JMJD1C: variants seen among roughly 807,000 people sequenced by gnomAD.
JMJD1C encodes jumonji domain containing 1C.
Under a neutral mutation model 245.3 loss-of-function variants are expected in JMJD1C, and 31 were observed. The ratio of observed to expected loss-of-function variants is 0.13; its 90% CI spans 0.09 to 0.17. The LOEUF (loss-of-function observed/expected upper bound fraction) is 0.17, where lower values mean the gene tolerates loss of function less well. JMJD1C is among the 10% of genes least tolerant of loss of function. JMJD1C has a pLI of 1.00. For synonymous variants in JMJD1C, 1,057 were observed against 1,017.4 expected (o/e 1.04, Z -0.74); for missense variants, 2,691 against 3,000.2 (o/e 0.90, Z 2.41).
intron 1 of JMJD1C, among the ~76,000 whole-genome samples, chr10:63,405,033 C>G (rs992341726): frequency 2.0e-5 from 3 of 152,136 alleles, no homozygotes; most frequent in Non-Finnish European, 4.4e-5. Context: ...AATTATATTT[C>G]AAACAGAGTG....
chr10:63,419,213 T>A (rs1949974337), intron 1 of JMJD1C, among the ~76,000 whole-genome samples: 3 of 147,446 alleles, frequency 2.0e-5, no homozygotes, highest in African/African-American at 7.4e-5. Flanking sequence ...TGGTGAAACC[T>A]CATCTCTACT....
intron 1 of JMJD1C, among the ~76,000 whole-genome samples, chr10:63,458,073 T>C (rs912322981): frequency 2.8e-4 from 42 of 152,242 alleles, no homozygotes; most frequent in Non-Finnish European, 2.9e-5. Context: ...AGGGATTTTA[T>C]CCAATTCGAT....
intron 1 of JMJD1C, among the ~76,000 whole-genome samples, chr10:63,415,539 A>G (rs1468657250): frequency 1.3e-5 from 2 of 152,198 alleles, no homozygotes; most frequent in Non-Finnish European, 2.9e-5. Context: ...AATTTAGCAT[A>G]TTCTTAGAAC....
At chr10:63,200,178 TAA>T (rs1438822217) in intron 11 of JMJD1C, among the ~76,000 whole-genome samples, 3 of 152,192 alleles carry the variant, frequency 2.0e-5, no homozygotes, top group African/African-American at 7.2e-5. Flanking sequence ...ATATTCATAT[TAA>T]GTTAGTATAT....
chr10:63,211,688 A>T (rs1847356198), intron 8 of JMJD1C, among the ~76,000 whole-genome samples: 1 of 151,724 alleles, frequency 6.6e-6, no homozygotes, highest in Admixed American at 6.6e-5. Flanking sequence ...CCCAACTGTG[A>T]TCTCACTTAA....
At chr10:63,244,241 C>T (rs1323861821) in intron 3 of JMJD1C, among the ~76,000 whole-genome samples, 2 of 152,106 alleles carry the variant, frequency 1.3e-5, no homozygotes, top group Admixed American at 1.3e-4. Flanking sequence ...GGCACAAACC[C>T]CTAGCTAGTC....
intron 2 of JMJD1C, among the ~76,000 whole-genome samples, chr10:63,345,734 G>C (rs1943760919): frequency 6.6e-6 from 1 of 152,066 alleles, no homozygotes; most frequent in African/African-American, 2.4e-5. Context: ...TCTTGATTGT[G>C]GCAGTGGTTA....
At position 63,208,671 on chromosome 10, in the gene JMJD1C, C is replaced by G. The variant is rs375609923; in HGVS notation, c.2998G>C (p.Val1000Leu). 6 of 1,614,074 alleles carry G rather than the reference C, an allele frequency of 3.7e-6. No individual in the cohort carries two copies. In the South Asian group the frequency reaches 6.6e-5, roughly 18 times the overall value. ...CHLHRHFVDP[V>L]LNQLQRPPQE... Reference sequence around the variant, plus strand: ...GGTGGCCTCTGTAACTGATTTAATACTGGATCCACAAAATGCCTATGTAAG... The same window carrying G: ...GGTGGCCTCTGTAACTGATTTAATAGTGGATCCACAAAATGCCTATGTAAG... The change falls in exon 10 of 26, where the codon GTA becomes CTA. Residue 1000 changes from valine (V) to leucine (L), a missense_variant. This residue lies in a region of JMJD1C where 1,562 missense variants were observed against 1,490.7 expected (regional missense o/e 1.05). Transcript: ENST00000399262.
intron 2 of JMJD1C, among the ~76,000 whole-genome samples, chr10:63,300,741 A>G (rs1391988049): frequency 6.6e-6 from 1 of 152,046 alleles, no homozygotes; most frequent in Admixed American, 6.6e-5. Flanking sequence ...AAAGTACAAA[A>G]ATTAGCTGGA....
chr10:63,281,540 G>A (rs1857400864), intron 2 of JMJD1C, among the ~76,000 whole-genome samples: 1 of 132,690 alleles, frequency 7.5e-6, no homozygotes, highest in South Asian at 2.5e-4. Context: ...GTATGATCTC[G>A]GCTCACTGCG....
At chr10:63,229,930 T>A (rs1353122463) in intron 3 of JMJD1C, among the ~76,000 whole-genome samples, 1 of 152,184 alleles carries the variant, frequency 6.6e-6, no homozygotes, top group African/African-American at 2.4e-5. Context: ...TAGGTTTAGG[T>A]TTTTTTCCTA....
intron 2 of JMJD1C, among the ~76,000 whole-genome samples, chr10:63,347,618 A>T (rs1943967672): frequency 6.8e-6 from 1 of 147,968 alleles, no homozygotes; most frequent in Non-Finnish European, 1.5e-5. Context: ...GAAAAAGAAA[A>T]AAAGAAATTA....
intron 1 of JMJD1C, chr10:63,382,780 C>T (rs768477009): frequency 1.8e-5 from 8 of 455,812 alleles, no homozygotes; most frequent in Non-Finnish European, 3.1e-5. Context: ...AATTCTGCCA[C>T]CCATCTTCTG....
chr10:63,263,831 C>T (rs1396729921), intron 3 of JMJD1C, among the ~76,000 whole-genome samples: 3 of 151,250 alleles, frequency 2.0e-5, no homozygotes, highest in Admixed American at 1.3e-4. Context: ...GCTCTGGAGG[C>T]TGAGGCAGGA....
chr10:63,418,837 T>C (rs1949945377), intron 1 of JMJD1C, among the ~76,000 whole-genome samples: 1 of 152,062 alleles, frequency 6.6e-6, no homozygotes. Flanking sequence ...CCCAGCATTT[T>C]GGGAGGCCGA....
At position 63,207,363 on chromosome 10, in the gene JMJD1C, T is replaced by G. The variant is rs1360350002; in HGVS notation, c.4306A>C (p.Lys1436Gln). 1 of 1,613,980 alleles carries G rather than the reference T, an allele frequency of 6.2e-7. No homozygotes were observed. The highest frequency in any genetic ancestry group is 8.5e-7 in the Non-Finnish European group (1 of 1,180,036). The change falls in exon 10 of 26, where the codon AAA becomes CAA. Residue 1436 changes from lysine to glutamine, a missense_variant. Lys to Gln is a moderately conservative substitution (Grantham distance 53). Around this residue, in one of 9 missense-constraint regions of JMJD1C, gnomAD observed 1,562 missense variants for 1,490.7 expected, o/e 1.05. Transcript: ENST00000399262. The stretch of plus-strand genomic sequence containing the variant: ...TGAGCCACTGGCTGACTGACACTTT[T>G]TGAAGATACACATTCTGATGATGTA... ...ASTSSECVSS[K>Q]SVSQPVAQKQ...
intron 12 of JMJD1C, 116 bp from the exon 13 acceptor site, chr10:63,197,679 A>T: frequency 1.2e-6 from 1 of 837,062 alleles, no homozygotes; most frequent in Non-Finnish European, 1.8e-6. Context: ...TTTCAAGGCT[A>T]TATTAACTGA....
intron 2 of JMJD1C, among the ~76,000 whole-genome samples, chr10:63,360,483 T>TA (rs575542931): frequency 1.7e-3 from 252 of 152,326 alleles, no homozygotes; most frequent in Non-Finnish European, 2.9e-3. Context: ...TCCAGCACCT[T>TA]AATTTTAAAA....
intron 1 of JMJD1C, among the ~76,000 whole-genome samples, chr10:63,509,267 G>A (rs1954806393): frequency 6.6e-6 from 1 of 152,138 alleles, no homozygotes; most frequent in African/African-American, 2.4e-5. Flanking sequence ...TGCATACCTG[G>A]GATAAATCCC....
Sources: allele counts gnomAD v4.1 joint callset (sites outside exome capture counted in the v4.1 genomes callset), GRCh38; gene constraint gnomAD v4.1.1; regional missense constraint gnomAD v4.1.1; transcripts MANE v1.5; gene names NCBI Gene and HGNC (gene_info 2026-07-23, HGNC 2026-07-21).